Variants in SUMO2 observed in about 807,000 individuals in gnomAD.
SUMO2 encodes the protein small ubiquitin like modifier 2.
Under a neutral mutation model 16.0 loss-of-function variants are expected in SUMO2, and 1 was observed. The ratio of observed to expected loss-of-function variants is 0.06; its 90% confidence interval spans 0.02 to 0.30. SUMO2 has a LOEUF of 0.30. Among genes scored for constraint, SUMO2 ranks in the 10% least tolerant of loss-of-function variants. SUMO2 has a pLI of 1.00. For synonymous variants in SUMO2, 36 were observed against 40.6 expected (o/e 0.89, Z 0.43); for missense variants, 16 against 117.5 (o/e 0.14, Z 3.99).
intron 2 of SUMO2, among the ~76,000 whole-genome samples, chr17:75,177,915 G>A (rs1001603847): frequency 3.3e-5 from 5 of 150,030 alleles, no homozygotes; most frequent in Non-Finnish European, 7.4e-5. Flanking sequence ...CTTGAACCCG[G>A]GAGGTGGAGG....
intron 2 of SUMO2, among the ~76,000 whole-genome samples, chr17:75,175,669 G>A (rs2074776809): frequency 6.6e-6 from 1 of 151,972 alleles, no homozygotes; most frequent in Non-Finnish European, 1.5e-5. Context: ...GTTTTGCTAT[G>A]TCGCCCAGGC....
intron 2 of SUMO2, among the ~76,000 whole-genome samples, chr17:75,177,466 G>A (rs2074791448): frequency 6.6e-6 from 1 of 152,038 alleles, no homozygotes; most frequent in Non-Finnish European, 1.5e-5. Context: ...ATTACCTGAG[G>A]TCAGGAGTTT....
chr17:75,178,496 A>G (rs1432359408), intron 2 of SUMO2, among the ~76,000 whole-genome samples: 1 of 146,590 alleles, frequency 6.8e-6, no homozygotes, highest in South Asian at 2.1e-4. Context: ...CCTGGGCAAC[A>G]GTGCGAGACT....
At chr17:75,176,121 C>A (rs1030489339) in intron 2 of SUMO2, among the ~76,000 whole-genome samples, 6 of 151,806 alleles carry the variant, frequency 4.0e-5, no homozygotes, top group African/African-American at 1.5e-4. Context: ...TTCAACGCAA[C>A]CTCCACCACC....
rs1166035757 is a variant in SUMO2, at chr17:75,167,074, T to C, written c.*1265A>G. 2 of 150,298 alleles carry C rather than the reference T, an allele frequency of 1.3e-5. No individual in the cohort carries two copies. Among genetic ancestry groups the C allele is most frequent in the East Asian group, 3.9e-4 (2 of 5,162 alleles). The allele number at this position is 150,298 out of a possible 1,614,324, so 9.3% of individuals were successfully genotyped here. A position where few individuals can be genotyped will look rare whatever the true frequency, so the allele number is the denominator to read the frequency against. On this transcript the variant is annotated 3_prime_UTR_variant, in exon 4 of 4. Transcript: ENST00000420826. ...TGGCTCATGCCGTAATCCCTGCACT[T>C]TGGGAGGCTGAGGCGGGTGGATCAC...
At chr17:75,182,705 T>TG (rs1188632669) in intron 1 of SUMO2, 109 bp downstream of exon 1, 9 of 992,882 alleles carry the variant, frequency 9.1e-6, no homozygotes, top group Non-Finnish European at 2.6e-6. Flanking sequence ...GCCGGCCCCG[T>TG]GGGGGGCCCG....
intron 2 of SUMO2, among the ~76,000 whole-genome samples, chr17:75,180,753 A>T (rs953243726): frequency 7.2e-5 from 11 of 152,118 alleles, no homozygotes; most frequent in Non-Finnish European, 1.5e-4. Context: ...AAGTAATTTT[A>T]CCAAGTTCAC....
intron 3 of SUMO2, among the ~76,000 whole-genome samples, chr17:75,169,267 A>G (rs532954706): frequency 6.6e-6 from 1 of 152,178 alleles, no homozygotes; most frequent in Admixed American, 6.5e-5. Flanking sequence ...GGCCACGCAC[A>G]ATGGCTCACT....
At chr17:75,176,722 C>T (rs543605824) in intron 2 of SUMO2, among the ~76,000 whole-genome samples, 22 of 152,262 alleles carry the variant, frequency 1.4e-4, no homozygotes, top group Non-Finnish European at 2.6e-4. Context: ...TCCTTTAATA[C>T]TTACCCAAAT....
At chr17:75,181,448 A>C (rs2074827970) in intron 1 of SUMO2, among the ~76,000 whole-genome samples, 1 of 152,162 alleles carries the variant, frequency 6.6e-6, no homozygotes. Flanking sequence ...GTTGGGTCCT[A>C]TTCAGTGTAT....
rs779036721 is a variant in SUMO2 at position 75,174,743 on chromosome 17, T to TA, written c.225+8_225+9insT. 8.1e-6 allele frequency: 13 copies of TA among 1,605,302 alleles called. No individual in the cohort carries two copies. The African/African-American group carries it at 1.7e-4, about 21-fold the overall frequency. ...TGGTAATTTTTCTAATTAGGAGAGA[T>TA]TTTTTTACCTGTGCAGGTGTGTCTG... On this transcript the variant is annotated intron_variant, in intron 3 of 3. Transcript: ENST00000420826.
chr17:75,170,851 C>CA (rs961499902), intron 3 of SUMO2, among the ~76,000 whole-genome samples: 589 of 58,226 alleles, frequency 0.01, no homozygotes, highest in South Asian at 0.018. Context: ...CTCCAGGTCT[C>CA]AAAAAAAAAA....
chr17:75,179,134 G>A lies in SUMO2; in HGVS notation c.153+1923C>T, dbSNP rs183635341. Among the ~76,000 whole-genome samples the A allele has an allele frequency of 6.6e-5, 10 of 152,224 alleles. 2 individuals are homozygous for A. Among genetic ancestry groups the A allele is most frequent in the Admixed American group, 6.5e-4 (10 of 15,270 alleles). On this transcript the variant is annotated intron_variant, in intron 2 of 3. Coordinates refer to ENST00000420826, the MANE Select transcript of SUMO2 (RefSeq NM_006937.4). The stretch of plus-strand genomic sequence containing the variant: ...TTTAAAATTCCCCTGTATCCTGAAG[G>A]GGCACTAGTGTTCAAATATAGAAGA...
intron 3 of SUMO2, among the ~76,000 whole-genome samples, chr17:75,171,578 A>G (rs1389544744): frequency 6.6e-6 from 1 of 152,122 alleles, no homozygotes; most frequent in Non-Finnish European, 1.5e-5. Context: ...TTAATTTATC[A>G]CAATCCTGCT....
chr17:75,182,564 G>T, intron 1 of SUMO2: 1 of 288,812 alleles, frequency 3.5e-6, no homozygotes, highest in Non-Finnish European at 6.4e-6. Flanking sequence ...CTTTCTGCCC[G>T]CCCAACTCGC....
intron 1 of SUMO2, chr17:75,182,555 T>C: frequency 3.5e-6 from 1 of 283,722 alleles, no homozygotes; most frequent in Non-Finnish European, 6.5e-6. Flanking sequence ...GGGCGTCCGC[T>C]TTCTGCCCGC....
At chr17:75,181,311 C>T (rs1210997934) in intron 1 of SUMO2, 123 bp from the exon 2 acceptor site, 1 of 988,472 alleles carries the variant, frequency 1.0e-6, no homozygotes, top group East Asian at 2.6e-5. Context: ...GCTAAAACGG[C>T]ATACTGCTGT....
chr17:75,177,091 G>A (rs905434917), intron 2 of SUMO2, among the ~76,000 whole-genome samples: 1 of 151,924 alleles, frequency 6.6e-6, no homozygotes, highest in African/African-American at 2.4e-5. Flanking sequence ...GGAGGTTGAG[G>A]GGGGAAAATT....
intron 1 of SUMO2, 65 bp from the exon 2 acceptor site, chr17:75,181,253 G>A (rs559076903): frequency 7.7e-6 from 12 of 1,555,912 alleles, no homozygotes; most frequent in East Asian, 2.3e-5. Context: ...TTATAAAGCA[G>A]CAGCAGCCCT....
Sources: allele counts gnomAD v4.1 joint callset (sites outside exome capture counted in the v4.1 genomes callset), GRCh38; gene constraint gnomAD v4.1.1; transcripts MANE v1.5; gene names NCBI Gene and HGNC (gene_info 2026-07-23, HGNC 2026-07-21).